LRRFIP1: variants seen among roughly 807,000 people sequenced by gnomAD.
LRRFIP1 encodes leucine-rich repeat flightless-interacting protein 1.
A neutral mutation model predicts 104.4 loss-of-function variants in LRRFIP1; 62 were observed. The ratio of observed to expected loss-of-function variants is 0.59; its 90% CI spans 0.48 to 0.73. The LOEUF is 0.73. LRRFIP1 is among the 30% of genes least tolerant of loss of function. The probability of loss-of-function intolerance (pLI) is 0.00; values close to 1 mark genes in which losing one functional copy is unlikely to be tolerated. For synonymous variants in LRRFIP1, 300 were observed against 299.0 expected, an observed-to-expected ratio of 1.00 and a Z score of -0.03; for missense variants, 796 against 824.5, an observed-to-expected ratio of 0.97 and a Z score of 0.42.
At chr2:237,733,674 G>T in intron 8 of LRRFIP1, 100 bp from the exon 9 acceptor site, 1 of 1,168,752 alleles carries the variant, frequency 8.6e-7, no homozygotes. Flanking sequence ...TACAGCAGTT[G>T]GCTATGGTGA....
At chr2:237,633,216 C>T (rs77722562) in intron 1 of LRRFIP1, among the ~76,000 whole-genome samples, 2,789 of 152,304 alleles carry the variant, frequency 0.018, 78 homozygotes, top group African/African-American at 0.063. Context: ...CTTGGCAGAT[C>T]GTCTACAAGG....
rs139366030 is a variant in LRRFIP1 at position 237,658,250 on chromosome 2, T to C, written c.96+30510T>C. On this transcript the variant is annotated intron_variant, in intron 1 of 23. Coordinates refer to ENST00000308482, the MANE Select transcript of LRRFIP1 (RefSeq NM_001137550.2). The stretch of plus-strand genomic sequence containing the variant: ...ATAAGGTTGGCATGAGTGCAATTTA[T>C]ATAAAGAAATCTTTAAAACACTACT... Among the ~76,000 whole-genome samples the C allele has an allele frequency of 3.1e-3, 471 of 152,324 alleles. 1 individual carries two copies. Among genetic ancestry groups the C allele is most frequent in the Non-Finnish European group, 4.4e-3 (299 of 68,020 alleles).
intron 1 of LRRFIP1, among the ~76,000 whole-genome samples, chr2:237,638,434 C>T (rs902174836): frequency 9.2e-5 from 14 of 152,186 alleles, no homozygotes; most frequent in African/African-American, 3.1e-4. Flanking sequence ...ACCCGCCTGC[C>T]GCTCACCTCC....
At chr2:237,656,603 C>T (rs980220364) in intron 1 of LRRFIP1, among the ~76,000 whole-genome samples, 1 of 152,168 alleles carries the variant, frequency 6.6e-6, no homozygotes, top group African/African-American at 2.4e-5. Context: ...TTGTCTAGGA[C>T]AGAGCACCAA....
chr2:237,765,674 A>C, intron 19 of LRRFIP1: 9 of 960,588 alleles, frequency 9.4e-6, no homozygotes, highest in Non-Finnish European at 1.1e-5. Context: ...CTGCCTGAAG[A>C]AAATATCTGT....
chr2:237,720,440 G>A (rs2094498553), intron 5 of LRRFIP1, among the ~76,000 whole-genome samples: 1 of 148,730 alleles, frequency 6.7e-6, no homozygotes, highest in South Asian at 2.1e-4. Flanking sequence ...TAGAGACAGA[G>A]TGTTTCGCCT....
At chr2:237,737,785 G>A (rs1381240436) in intron 10 of LRRFIP1, among the ~76,000 whole-genome samples, 1 of 152,160 alleles carries the variant, frequency 6.6e-6, no homozygotes, top group Non-Finnish European at 1.5e-5. Context: ...TATCTCAAAT[G>A]TGGCATTGAT....
intron 1 of LRRFIP1, among the ~76,000 whole-genome samples, chr2:237,688,495 G>C (rs567468145): frequency 8.6e-6 from 1 of 116,548 alleles, no homozygotes; most frequent in South Asian, 2.9e-4. Flanking sequence ...TCACTCTGTT[G>C]TCCAGGCTAG....
rs372763560 is a variant in LRRFIP1 at position 237,712,820 on chromosome 2, A to C, written c.184-1439A>C. On this transcript the variant is annotated intron_variant, in intron 2 of 23. Coordinates refer to ENST00000308482, the MANE Select transcript of LRRFIP1 (RefSeq NM_001137550.2). The stretch of plus-strand genomic sequence containing the variant: ...CCTCACGCTCTTCTTTGCATATCAC[A>C]TCTCTGGGCCTGGCTATTATTAGAA... 2.8e-4 allele frequency among the ~76,000 whole-genome samples: 42 copies of C among 152,298 alleles called. No homozygotes were observed. In the South Asian group the frequency reaches 5.0e-3, roughly 18 times the overall value.
chr2:237,765,378 G>C, intron 19 of LRRFIP1: 1 of 650,404 alleles, frequency 1.5e-6, no homozygotes, highest in Non-Finnish European at 1.9e-6. Flanking sequence ...CAAGGCTGCA[G>C]TGAGCTATGA....
chr2:237,708,223 T>G (rs958501976), intron 1 of LRRFIP1, among the ~76,000 whole-genome samples: 4 of 152,254 alleles, frequency 2.6e-5, no homozygotes, highest in African/African-American at 9.6e-5. Context: ...ACCCTCTCTG[T>G]GCCTTCGTTC....
At chr2:237,769,133 T>C (rs529980500) in intron 19 of LRRFIP1, 6 of 152,244 alleles carry the variant, frequency 3.9e-5, no homozygotes, top group Admixed American at 6.5e-5. Context: ...CTGCTAGAAC[T>C]GTACCTGTGT....
chr2:237,712,626 C>CGTGTGTGTGCGTGTGCAT (rs935908553), intron 2 of LRRFIP1, among the ~76,000 whole-genome samples: 1 of 152,148 alleles, frequency 6.6e-6, no homozygotes, highest in Non-Finnish European at 1.5e-5. Context: ...CGCACGCATT[C>CGTGTGTGTGCGTGTGCAT]GTGTGTGTGC....
intron 1 of LRRFIP1, among the ~76,000 whole-genome samples, chr2:237,647,297 G>T (rs2085084546): frequency 6.6e-6 from 1 of 151,964 alleles, no homozygotes; most frequent in African/African-American, 2.4e-5. Flanking sequence ...CTCAGTCCCT[G>T]CCCAATGGGA....
chr2:237,725,453 T>C (rs1214537032), intron 7 of LRRFIP1, among the ~76,000 whole-genome samples: 2 of 152,208 alleles, frequency 1.3e-5, no homozygotes. Context: ...TTCAGTTAAC[T>C]GTCAATGCCC....
chr2:237,729,941 G>C lies in LRRFIP1; in HGVS notation c.444+2006G>C, dbSNP rs192727890. Reference sequence around the variant, plus strand: ...GGATTCAGCTCTACTTTTCTCTTTCGGTGTCTGTTTGACGGATTTTTGTTT... The same window carrying C: ...GGATTCAGCTCTACTTTTCTCTTTCCGTGTCTGTTTGACGGATTTTTGTTT... On this transcript the variant is annotated intron_variant, in intron 8 of 23. Transcript: ENST00000308482. The C allele has an allele frequency of 9.3e-6, 5 of 536,352 alleles. No homozygotes were observed. The South Asian group carries it at 2.5e-4, about 27-fold the overall frequency. The allele number at this position is 536,352 out of a possible 1,614,324, so 33.2% of individuals were successfully genotyped here.
chr2:237,744,873 C>G (rs973714457), intron 11 of LRRFIP1, among the ~76,000 whole-genome samples: 2 of 152,268 alleles, frequency 1.3e-5, no homozygotes, highest in African/African-American at 4.8e-5. Flanking sequence ...CTTTCCCGTC[C>G]TGGGCTAAGG....
At position 237,692,085 on chromosome 2, in the gene LRRFIP1, C is replaced by T. The variant is rs976971277; in HGVS notation, c.97-16459C>T. 7.7e-6 allele frequency: 4 copies of T among 522,034 alleles called. No individual in the cohort carries two copies. The Admixed American group carries it at 6.2e-4, about 81-fold the overall frequency. 32.3% of individuals were successfully genotyped at this position (522,034 alleles called of 1,614,324 possible). A position where few individuals can be genotyped will look rare whatever the true frequency, so the allele number is the denominator to read the frequency against. ...GGGTCATGGGGCGGGGGCGGTGGGG[C>T]GAGTCATGGGGCGGGGACGGGGCGG... is the stretch of plus-strand genomic sequence containing the variant. On this transcript the variant is annotated intron_variant, in intron 1 of 23. Transcript: ENST00000308482.
chr2:237,691,975 TG>T lies in LRRFIP1; in HGVS notation c.97-16565del, dbSNP rs1182184146. 7.7e-5 allele frequency among the ~76,000 whole-genome samples: 2 copies of T among 26,038 alleles called. No homozygotes were observed. The highest frequency in any genetic ancestry group is 3.1e-4 in the African/African-American group (2 of 6,424). 17.1% of individuals were successfully genotyped at this position (26,038 alleles called of 152,430 possible). A position where few individuals can be genotyped will look rare whatever the true frequency, so the allele number is the denominator to read the frequency against. On this transcript the variant is annotated intron_variant, in intron 1 of 23. Coordinates refer to ENST00000308482, the MANE Select transcript of LRRFIP1 (RefSeq NM_001137550.2). This position sits in a 1 kb window ranked among gnomAD's most constrained non-coding sequence, Gnocchi z 5.4. Reference sequence around the variant, plus strand: ...GACAGGCCGTGGGGCGGGGCCTGGGTGGGGCGGAGCCGGTGGGGGTGGGGAA... The same window carrying T: ...GACAGGCCGTGGGGCGGGGCCTGGGTGGGCGGAGCCGGTGGGGGTGGGGAA...
Sources: gnomAD v4.1 joint callset for allele counts (sites outside exome capture counted in the v4.1 genomes callset) on GRCh38, gnomAD v4.1.1 for gene constraint, Gnocchi (gnomAD v3.1) non-coding constraint, MANE v1.5 for transcripts, NCBI Gene and HGNC (gene_info 2026-07-23, HGNC 2026-07-21) for gene names.